SV2A: variants seen among roughly 807,000 people sequenced by gnomAD.
SV2A encodes the protein solute carrier family 22 member B1.
Under a neutral mutation model 78.0 loss-of-function variants are expected in SV2A, and 25 were observed. That is an observed-to-expected ratio of 0.32 (90% CI 0.23 to 0.45). The LOEUF is 0.45. Ranked by LOEUF, SV2A falls within the 20% of genes least tolerant of loss-of-function variation. SV2A has a pLI of 1.00. For synonymous variants in SV2A, 355 were observed against 384.7 expected, an observed-to-expected ratio of 0.92 and a Z score of 0.90; for missense variants, 752 against 971.5, an observed-to-expected ratio of 0.77 and a Z score of 3.00.
intron 8 of SV2A, among the ~76,000 whole-genome samples, chr1:149,908,919 G>A (rs375876771): frequency 2.0e-5 from 3 of 152,054 alleles, no homozygotes; most frequent in African/African-American, 4.8e-5. Context: ...GAGCCTCATC[G>A]TCCTGCTTCT....
At chr1:149,917,450 A>T (rs1553764696) in intron 1 of SV2A, among the ~76,000 whole-genome samples, 1 of 152,124 alleles carries the variant, frequency 6.6e-6, no homozygotes, top group African/African-American at 2.4e-5. Flanking sequence ...CACCACGTTA[A>T]TCTCCGAAGG....
Position 149,906,783 on chromosome 1 carries a change from C to T in SV2A, c.1752G>A (p.Pro584=), listed in dbSNP as rs139617863. 2.7e-5 allele frequency: 43 copies of T among 1,614,190 alleles called. No homozygotes were observed. In the African/African-American group the frequency reaches 3.7e-4, roughly 14 times the overall value. Residue 584 remains proline, a synonymous_variant, in exon 11 of 13, where the codon CCG becomes CCA. Coordinates refer to ENST00000369146, the MANE Select transcript of SV2A (RefSeq NM_014849.5). ...CTTCGCCCGTCCCTGTCACGTCTAG[C>T]GGGCAGCCCTCCTTGTTGTGCAGGA... The part of the protein sequence containing the change: ...STFLHNKEGC[P]LDVTGTGEGA...
intron 2 of SV2A, 104 bp downstream of exon 2, chr1:149,913,115 G>A (rs1376463284): frequency 3.5e-6 from 5 of 1,433,238 alleles, no homozygotes; most frequent in African/African-American, 1.4e-5. Flanking sequence ...AACATCTTGG[G>A]TGCAGGGTCC....
rs879989876 is a variant in SV2A at position 149,917,762 on chromosome 1, G to A, written c.-371C>T. 2 of 152,216 alleles carry A rather than the reference G, an allele frequency of 1.3e-5. No individual in the cohort carries two copies. Among genetic ancestry groups the A allele is most frequent in the Non-Finnish European group, 2.9e-5 (2 of 68,086 alleles). 9.4% of individuals were successfully genotyped at this position (152,216 alleles called of 1,614,324 possible). A position where few individuals can be genotyped will look rare whatever the true frequency, so the allele number is the denominator to read the frequency against. On this transcript the variant is annotated 5_prime_UTR_variant, in exon 1 of 13. Coordinates refer to ENST00000369146, the MANE Select transcript of SV2A (RefSeq NM_014849.5). ...ACCTGGTCTAGGTTCCCCGGGTAAG[G>A]AGTCCCGGGCGAGGACGGGGGTCCC...
At chr1:149,913,190 G>C (rs782502796) in intron 2 of SV2A, 29 bp downstream of exon 2, 1 of 1,603,524 alleles carries the variant, frequency 6.2e-7, no homozygotes, top group South Asian at 1.1e-5. Flanking sequence ...GAGTTTGAGG[G>C]GATAAGGCTG....
rs1446976778 is a variant in SV2A, at chr1:149,914,198, T to A, written c.-347-11A>T. 1 of 211,608 alleles carries A rather than the reference T, an allele frequency of 4.7e-6. No homozygotes were observed. Among genetic ancestry groups the A allele is most frequent in the Non-Finnish European group, 9.5e-6 (1 of 105,094 alleles). 13.1% of individuals were successfully genotyped at this position (211,608 alleles called of 1,614,324 possible). On this transcript the variant is annotated splice_polypyrimidine_tract_variant and intron_variant, in intron 1 of 12. Coordinates refer to ENST00000369146, the MANE Select transcript of SV2A (RefSeq NM_014849.5). ...CAAGCCTCTGGAGACCTAGAAAAAATAACAGACAGCAAAAGGAAGTTGTGA... is the reference window on the plus strand; with the variant it reads ...CAAGCCTCTGGAGACCTAGAAAAAAAAACAGACAGCAAAAGGAAGTTGTGA...
At chr1:149,908,862 T>C (rs150475773) in intron 8 of SV2A, among the ~76,000 whole-genome samples, 177 of 152,156 alleles carry the variant, frequency 1.2e-3, no homozygotes, top group African/African-American at 4.0e-3. Context: ...CTCGATCTCC[T>C]AACCTCATGA....
Position 149,909,830 on chromosome 1 carries a change from C to T in SV2A, c.1150G>A (p.Ala384Thr). ...AACACTCGCTCAGGATGTCCTTTGGCTCGCATGTTGGTATCATGGACCTGC... is the reference window on the plus strand; with the variant it reads ...AACACTCGCTCAGGATGTCCTTTGGTTCGCATGTTGGTATCATGGACCTGC... ...LKQVHDTNMR[A>T]KGHPERVFSV... The change falls in exon 6 of 13, where the codon GCC becomes ACC. Residue 384 changes from alanine (A) to threonine (T), a missense_variant. Around this residue, in one of 7 missense-constraint regions of SV2A, gnomAD observed 136 missense variants for 132.3 expected, o/e 1.03. Coordinates refer to ENST00000369146, the MANE Select transcript of SV2A (RefSeq NM_014849.5). The T allele has an allele frequency of 2.5e-6, 4 of 1,614,080 alleles. No individual in the cohort carries two copies. The South Asian group carries it at 3.3e-5, about 13-fold the overall frequency.
intron 1 of SV2A, among the ~76,000 whole-genome samples, chr1:149,916,786 G>C (rs1257546470): frequency 6.6e-6 from 1 of 152,152 alleles, no homozygotes; most frequent in Middle Eastern, 3.2e-3. Context: ...ATGACAGCCC[G>C]GTCATCGAAC....
At position 149,904,994 on chromosome 1, in the gene SV2A, C is replaced by G; in HGVS notation, c.*20G>C. The G allele has an allele frequency of 6.3e-7, 1 of 1,595,632 alleles. No individual in the cohort carries two copies. The highest frequency in any genetic ancestry group is 1.1e-5 in the South Asian group (1 of 88,354). On this transcript the variant is annotated 3_prime_UTR_variant, in exon 13 of 13. Transcript: ENST00000369146. Reference sequence around the variant, plus strand: ...TGGTCTCACAGTGTGCCTGCCAATCCCAAAGCCCTAGAGACCCCTTCACTG... The same window carrying G: ...TGGTCTCACAGTGTGCCTGCCAATCGCAAAGCCCTAGAGACCCCTTCACTG...
chr1:149,905,858 G>T, intron 12 of SV2A, 22 bp downstream of exon 12: 6 of 1,611,958 alleles, frequency 3.7e-6, no homozygotes, highest in Non-Finnish European at 5.1e-6. Flanking sequence ...CCACTGCCCT[G>T]CCTCCAACAC....
In SV2A at chr1:149,905,180, A is replaced by G. The variant is rs1251473199; in HGVS notation, c.2063T>C (p.Phe688Ser). 5 of 1,609,536 alleles carry G rather than the reference A, an allele frequency of 3.1e-6. No homozygotes were observed. The highest frequency in any genetic ancestry group is 4.2e-6 in the Non-Finnish European group (5 of 1,178,050). ...PSDKRTTAFG[F>S]LNALCKLAAV... ...TGCCAGCTTACACAGGGCATTCAGG[A>G]AGCCAAAAGCTGTGGTCCTGCTCAG... Residue 688 changes from phenylalanine to serine, a missense_variant, in exon 13 of 13, where the codon TTC (phenylalanine) becomes TCC (serine). Phe to Ser is a radical substitution (Grantham distance 155, BLOSUM62 -2). This residue lies in a region of SV2A where 186 missense variants were observed against 274.6 expected (regional missense o/e 0.68). Coordinates refer to ENST00000369146, the MANE Select transcript of SV2A (RefSeq NM_014849.5).
intron 2 of SV2A, among the ~76,000 whole-genome samples, chr1:149,912,204 C>A (rs1424644635): frequency 1.3e-5 from 2 of 152,162 alleles, no homozygotes; most frequent in Admixed American, 1.3e-4. Flanking sequence ...GGAGAACCTG[C>A]AAACTCTCCA....
At chr1:149,909,012 C>T (rs928970019) in intron 8 of SV2A, among the ~76,000 whole-genome samples, 180 bp downstream of exon 8, 7 of 152,244 alleles carry the variant, frequency 4.6e-5, no homozygotes, top group Non-Finnish European at 8.8e-5. Flanking sequence ...CCTGGTCAGC[C>T]TACAGTACAA....
In SV2A at chr1:149,914,007, T is replaced by C; in HGVS notation, c.-167A>G. 1 of 1,041,616 alleles carries C rather than the reference T, an allele frequency of 9.6e-7. No individual in the cohort carries two copies. Among genetic ancestry groups the C allele is most frequent in the South Asian group, 1.8e-5 (1 of 56,510 alleles). 64.5% of individuals were successfully genotyped at this position (1,041,616 alleles called of 1,614,324 possible). On this transcript the variant is annotated 5_prime_UTR_variant, in exon 2 of 13. Transcript: ENST00000369146. ...AAAAGAGCAAACAGGTCCTAGCCAA[T>C]GAGTGCCTAGGAAGGAAAAGGAAGG...
Position 149,904,949 on chromosome 1 carries a change from GAGGGGAAGGA to G in SV2A, c.*55_*64del. 1.3e-6 allele frequency: 2 copies of G among 1,499,846 alleles called. No homozygotes were observed. Among genetic ancestry groups the G allele is most frequent in the Non-Finnish European group, 1.8e-6 (2 of 1,113,612 alleles). 92.9% of individuals were successfully genotyped at this position (1,499,846 alleles called of 1,614,324 possible). Reference sequence around the variant, plus strand: ...CTGGAGGTCAGGATGGCAGGGCAGGGAGGGGAAGGAAGGAGTTGTTGGTCTCACAGTGTGC... The same window carrying G: ...CTGGAGGTCAGGATGGCAGGGCAGGGAGGAGTTGTTGGTCTCACAGTGTGC... On this transcript the variant is annotated 3_prime_UTR_variant, in exon 13 of 13. Transcript: ENST00000369146.
intron 9 of SV2A, 42 bp from the exon 10 acceptor site, chr1:149,907,875 C>A: frequency 6.2e-7 from 1 of 1,604,254 alleles, no homozygotes; most frequent in South Asian, 1.1e-5. Flanking sequence ...CCGTCATCCT[C>A]ATGCCCCCTC....
Position 149,909,239 on chromosome 1 carries a change from C to T in SV2A, c.1332G>A (p.Arg444=), listed in dbSNP as rs782507276. Residue 444 remains arginine, a synonymous_variant, in exon 8 of 13, where the codon CGG becomes CGA. Transcript: ENST00000369146. ...NFLSCFGPEY[R]RITLMMMGVW... ...CACCCATCATCATCAGAGTGATGCG[C>T]CGATATTCGGGACCAAAACAGGAGA... The T allele has an allele frequency of 6.8e-6, 11 of 1,613,990 alleles. No individual in the cohort carries two copies. The African/African-American group carries it at 1.5e-4, about 22-fold the overall frequency.
rs963487245 is a variant in SV2A, at chr1:149,916,568, C to G, written c.-348+1171G>C. Among the ~76,000 whole-genome samples, 3 of 152,186 alleles carry G rather than the reference C, an allele frequency of 2.0e-5. No individual in the cohort carries two copies. The South Asian group carries it at 6.2e-4, about 31-fold the overall frequency. The stretch of plus-strand genomic sequence containing the variant: ...AGAGGGTGGAGACAGGCAGGGGACT[C>G]CAGAGCAAATGCTTTCTTTCAGAAC... On this transcript the variant is annotated intron_variant, in intron 1 of 12. Coordinates refer to ENST00000369146, the MANE Select transcript of SV2A (RefSeq NM_014849.5).
Sources: allele counts gnomAD v4.1 joint callset (sites outside exome capture counted in the v4.1 genomes callset), GRCh38; gene constraint gnomAD v4.1.1; regional missense constraint gnomAD v4.1.1; transcripts MANE v1.5; gene names NCBI Gene and HGNC (gene_info 2026-07-23, HGNC 2026-07-21).